Variants in ZNF438 observed in about 807,000 individuals in gnomAD.
ZNF438 encodes zinc finger protein 438.
ZNF438 carries 25 observed loss-of-function variants against 38.0 expected under a neutral mutation model. The ratio of observed to expected loss-of-function variants is 0.66; its 90% CI spans 0.48 to 0.92. The LOEUF (loss-of-function observed/expected upper bound fraction) is 0.92. ZNF438 is among the 40% of genes least tolerant of loss of function. The pLI, the probability that ZNF438 is intolerant of heterozygous loss-of-function variation, is 0.00. For missense variants in ZNF438, 1,007 were observed against 999.6 expected (o/e 1.01, Z -0.10); for synonymous variants, 372 against 364.1 (o/e 1.02, Z -0.25).
intron 4 of ZNF438, among the ~76,000 whole-genome samples, chr10:30,875,180 T>C (rs1055400532): frequency 4.6e-5 from 7 of 152,148 alleles, no homozygotes; most frequent in Non-Finnish European, 1.0e-4. Flanking sequence ...TCAATGGAAG[T>C]ATCCAAGCTT....
chr10:30,958,593 C>T (rs181774629), intron 1 of ZNF438, among the ~76,000 whole-genome samples: 13 of 146,934 alleles, frequency 8.8e-5, no homozygotes, highest in African/African-American at 3.2e-4. Context: ...GTCCATTGAA[C>T]AGGGGACAGT....
chr10:30,945,283 T>C (rs2047257389), intron 1 of ZNF438, among the ~76,000 whole-genome samples: 1 of 152,018 alleles, frequency 6.6e-6, no homozygotes. Flanking sequence ...TCAATACTGC[T>C]AGTATTATCT....
intron 2 of ZNF438, among the ~76,000 whole-genome samples, chr10:30,928,665 T>C (rs2045253716): frequency 6.6e-6 from 1 of 152,208 alleles, no homozygotes; most frequent in South Asian, 2.1e-4. Context: ...TTTTGACATT[T>C]GTTTTGCCTG....
At chr10:30,991,029 T>C (rs753345665) in intron 1 of ZNF438, among the ~76,000 whole-genome samples, 11 of 152,184 alleles carry the variant, frequency 7.2e-5, no homozygotes, top group Non-Finnish European at 1.3e-4. Context: ...TGGAGAAACA[T>C]GCATTCAAGA....
chr10:30,882,261 A>G (rs2039362197), intron 3 of ZNF438, among the ~76,000 whole-genome samples: 1 of 152,232 alleles, frequency 6.6e-6, no homozygotes, highest in Admixed American at 6.5e-5. Context: ...TCTCCAAAAA[A>G]GATAACTGGC....
chr10:30,926,589 C>A (rs1481857681), intron 2 of ZNF438, among the ~76,000 whole-genome samples: 1 of 151,822 alleles, frequency 6.6e-6, no homozygotes, highest in African/African-American at 2.4e-5. Flanking sequence ...TCACTTGAAC[C>A]CGGAAGGCAG....
intron 1 of ZNF438, among the ~76,000 whole-genome samples, chr10:30,956,084 C>A (rs2048833106): frequency 6.6e-6 from 1 of 152,118 alleles, no homozygotes; most frequent in South Asian, 2.1e-4. Context: ...GATAATCAAG[C>A]CAAAGGATTC....
intron 3 of ZNF438, among the ~76,000 whole-genome samples, chr10:30,886,338 T>C (rs2039948264): frequency 6.6e-6 from 1 of 152,222 alleles, no homozygotes; most frequent in Non-Finnish European, 1.5e-5. Flanking sequence ...TTTGCCTTTA[T>C]ATACTTAGGT....
chr10:30,869,492 T>TCAACTTC (rs541678317), intron 4 of ZNF438, among the ~76,000 whole-genome samples: 2,036 of 152,360 alleles, frequency 0.013, 23 homozygotes, highest in Non-Finnish European at 0.02. Context: ...ATATTTTATT[T>TCAACTTC]CAACTTCCAT....
chr10:30,914,212 C>A lies in ZNF438; in HGVS notation c.-114-5197G>T, dbSNP rs763011774. 8.4e-4 allele frequency among the ~76,000 whole-genome samples: 128 copies of A among 151,744 alleles called. 2 individuals are homozygous for A. Among genetic ancestry groups the A allele is most frequent in the Admixed American group, 5.1e-3 (77 of 15,222 alleles). ...AAAAGTTAAATTAAAAAAGTTAAAT[C>A]AAAAAAGTTAAATCTAAGGATCCAT... On this transcript the variant is annotated intron_variant, in intron 2 of 5. Transcript: ENST00000413025.
intron 3 of ZNF438, among the ~76,000 whole-genome samples, chr10:30,886,864 C>T (rs1307347394): frequency 3.3e-5 from 5 of 152,160 alleles, no homozygotes; most frequent in African/African-American, 9.7e-5. Context: ...CAACAAAATG[C>T]ACCCCACTTT....
intron 3 of ZNF438, among the ~76,000 whole-genome samples, chr10:30,897,033 T>C (rs1185699514): frequency 6.6e-6 from 1 of 152,152 alleles, no homozygotes; most frequent in African/African-American, 2.4e-5. Flanking sequence ...ATGATAAAAC[T>C]AAAGAATATT....
chr10:30,991,519 G>T (rs1401960028), intron 1 of ZNF438, among the ~76,000 whole-genome samples: 8 of 152,208 alleles, frequency 5.3e-5, no homozygotes, highest in Admixed American at 5.2e-4. Context: ...TATAGCAGGG[G>T]TGTCACTCTG....
intron 1 of ZNF438, among the ~76,000 whole-genome samples, chr10:30,961,367 C>A (rs1283219858): frequency 6.8e-6 from 1 of 146,128 alleles, no homozygotes; most frequent in South Asian, 2.2e-4. Flanking sequence ...ATGATCATAG[C>A]GCACTATAGC....
chr10:30,906,463 G>C (rs1486915605), intron 3 of ZNF438, among the ~76,000 whole-genome samples: 1 of 152,012 alleles, frequency 6.6e-6, no homozygotes, highest in Non-Finnish European at 1.5e-5. Flanking sequence ...TTAGTTCTAA[G>C]AATTTTTTAG....
At chr10:31,003,609 T>C (rs1002324380) in intron 1 of ZNF438, among the ~76,000 whole-genome samples, 3 of 152,208 alleles carry the variant, frequency 2.0e-5, no homozygotes, top group African/African-American at 7.2e-5. Flanking sequence ...CTCAGGGCTA[T>C]TTGTGTTTAA....
chr10:30,909,876 G>C lies in ZNF438; in HGVS notation c.-114-861C>G, dbSNP rs1041314297. ...GTATGCCATGCCTTGTTCCAGTTTT[G>C]AAGACCATATCACAAAATATCCACA... On this transcript the variant is annotated intron_variant, in intron 2 of 5. Coordinates refer to ENST00000413025, the Ensembl canonical transcript of ZNF438. Among the ~76,000 whole-genome samples the C allele has an allele frequency of 7.2e-5, 11 of 152,144 alleles. 1 individual carries two copies. Among genetic ancestry groups the C allele is most frequent in the African/African-American group, 2.7e-4 (11 of 41,430 alleles).
intron 4 of ZNF438, among the ~76,000 whole-genome samples, chr10:30,871,746 A>G (rs1312744736): frequency 6.6e-6 from 1 of 152,216 alleles, no homozygotes; most frequent in Non-Finnish European, 1.5e-5. Flanking sequence ...GGTTTTTAAA[A>G]AAGATTCAAA....
chr10:30,932,709 C>A (rs940934917), intron 2 of ZNF438, among the ~76,000 whole-genome samples: 1 of 152,192 alleles, frequency 6.6e-6, no homozygotes. Flanking sequence ...ATGTTGAAGT[C>A]CTAACCCCCA....
Sources: allele counts gnomAD v4.1 joint callset (sites outside exome capture counted in the v4.1 genomes callset), GRCh38; gene constraint gnomAD v4.1.1; transcripts MANE v1.5; gene names NCBI Gene and HGNC (gene_info 2026-07-23, HGNC 2026-07-21).